Variants in MTX2 observed in about 807,000 individuals in gnomAD.
The protein encoded by MTX2 is metaxin 2, also known as metaxin-2.
MTX2 carries 35 observed loss-of-function variants against 42.3 expected under a neutral mutation model. That is an observed-to-expected ratio of 0.83 (90% CI 0.63 to 1.10). MTX2 has a LOEUF of 1.10. MTX2 is among the 50% of genes least tolerant of loss of function. MTX2 has a pLI of 0.00. For missense variants in MTX2, 307 were observed against 304.1 expected, an observed-to-expected ratio of 1.01 and a Z score of -0.07; for synonymous variants, 119 against 100.9, an observed-to-expected ratio of 1.18 and a Z score of -1.08.
intron 1 of MTX2, among the ~76,000 whole-genome samples, chr2:176,275,997 A>G (rs149307514): frequency 1.3e-3 from 193 of 152,372 alleles, no homozygotes; most frequent in African/African-American, 4.4e-3. Flanking sequence ...TTATTCAGCT[A>G]CTTCCTAGCT....
intron 1 of MTX2, among the ~76,000 whole-genome samples, chr2:176,284,441 C>T (rs764507210): frequency 6.6e-6 from 1 of 152,244 alleles, no homozygotes. Flanking sequence ...GTCAGGTTTA[C>T]GAAATTGGTC....
At position 176,318,718 on chromosome 2, in the gene MTX2, C is replaced by G. The variant is rs1684504188; in HGVS notation, c.136-4674C>G. ...TTTTAAAAATAATGTTTGCTATAAT[C>G]ACTTTCAGATGATGTCAGCCTCTCT... On this transcript the variant is annotated intron_variant, in intron 3 of 9. Coordinates refer to ENST00000249442, the MANE Select transcript of MTX2 (RefSeq NM_006554.5). 2.0e-5 allele frequency among the ~76,000 whole-genome samples: 3 copies of G among 152,216 alleles called. No individual in the cohort carries two copies. In the South Asian group the frequency reaches 6.2e-4, roughly 32 times the overall value.
In MTX2 at chr2:176,323,468, AGT is replaced by A. The variant is rs752420690; in HGVS notation, c.208+9_208+10del. 1 of 1,607,872 alleles carries A rather than the reference AGT, an allele frequency of 6.2e-7. No homozygotes were observed. Among genetic ancestry groups the A allele is most frequent in the South Asian group, 1.1e-5 (1 of 90,612 alleles). ...GCAGAATATATGTCTCCATCTGGTA[AGT>A]GTGTTTTTTTTTCTTCTCTGTTAAT... On this transcript the variant is annotated splice_donor_5th_base_variant and intron_variant, in intron 4 of 9. Coordinates refer to ENST00000249442, the MANE Select transcript of MTX2 (RefSeq NM_006554.5).
intron 1 of MTX2, among the ~76,000 whole-genome samples, chr2:176,276,907 G>C (rs1454968990): frequency 6.6e-6 from 1 of 151,874 alleles, no homozygotes; most frequent in African/African-American, 2.4e-5. Flanking sequence ...TATCTGTTCT[G>C]TTCTTTATTT....
In MTX2 at chr2:176,269,529, C is replaced by A; in HGVS notation, c.-101C>A. On this transcript the variant is annotated 5_prime_UTR_variant, in exon 1 of 10. Coordinates refer to ENST00000249442, the MANE Select transcript of MTX2 (RefSeq NM_006554.5). ...TGGGCTTTGCGAGTCTGAACGTTGG[C>A]GGGGCTAGGCTCGTTAACTGCCGAG... 1.5e-6 allele frequency: 2 copies of A among 1,307,966 alleles called. No homozygotes were observed. Among genetic ancestry groups the A allele is most frequent in the Non-Finnish European group, 2.0e-6 (2 of 975,876 alleles). 81.0% of individuals were successfully genotyped at this position (1,307,966 alleles called of 1,614,324 possible).
chr2:176,305,332 A>G (rs1438992304), intron 3 of MTX2, among the ~76,000 whole-genome samples: 2 of 152,086 alleles, frequency 1.3e-5, no homozygotes, highest in Admixed American at 1.3e-4. Context: ...ATTTTAAAGC[A>G]TTCATTATAG....
rs1352597032 is a variant in MTX2, at chr2:176,329,527, A to G, written c.543+101A>G. ...TTAAAAAAATATATATAAGATTTGCAAGAAAACCATTTCCTGTGATTTTCA... is the reference window on the plus strand; with the variant it reads ...TTAAAAAAATATATATAAGATTTGCGAGAAAACCATTTCCTGTGATTTTCA... On this transcript the variant is annotated intron_variant, in intron 8 of 9. Transcript: ENST00000249442. 5 of 1,170,460 alleles carry G rather than the reference A, an allele frequency of 4.3e-6. No homozygotes were observed. In the African/African-American group the frequency reaches 6.4e-5, roughly 15 times the overall value. 72.5% of individuals were successfully genotyped at this position (1,170,460 alleles called of 1,614,324 possible).
intron 3 of MTX2, among the ~76,000 whole-genome samples, chr2:176,308,608 G>A (rs2105424785): frequency 6.6e-6 from 1 of 152,198 alleles, no homozygotes; most frequent in South Asian, 2.1e-4. Flanking sequence ...CTTCTTCCTG[G>A]TTTAGTCTTG....
At chr2:176,337,395 C>G in intron 9 of MTX2, 98 bp from the exon 10 acceptor site, 1 of 1,048,706 alleles carries the variant, frequency 9.5e-7, no homozygotes, top group Non-Finnish European at 1.4e-6. Context: ...TTAGTTGAAC[C>G]TACGAGTATG....
intron 3 of MTX2, among the ~76,000 whole-genome samples, chr2:176,321,390 C>T (rs577790691): frequency 6.6e-6 from 1 of 152,008 alleles, no homozygotes; most frequent in Non-Finnish European, 1.5e-5. Context: ...TCTGGTGGGG[C>T]AGGATGGTGT....
intron 1 of MTX2, among the ~76,000 whole-genome samples, chr2:176,285,418 C>CTTTTT (rs61139522): frequency 2.3e-5 from 3 of 130,762 alleles, no homozygotes; most frequent in East Asian, 2.2e-4. Context: ...TTGCCACAAT[C>CTTTTT]TTTTTTTTTT....
At chr2:176,335,827 GCTCCACAGATA>G in intron 9 of MTX2, among the ~76,000 whole-genome samples, 1 of 152,042 alleles carries the variant, frequency 6.6e-6, no homozygotes, top group South Asian at 2.1e-4. Flanking sequence ...TCCACATCCT[GCTCCACAGATA>G]CTCCACATTG....
intron 1 of MTX2, among the ~76,000 whole-genome samples, chr2:176,277,768 A>G (rs746502236): frequency 6.6e-6 from 1 of 152,120 alleles, no homozygotes; most frequent in East Asian, 1.9e-4. Context: ...AGGATTTTCC[A>G]GTATTGAGGA....
intron 1 of MTX2, among the ~76,000 whole-genome samples, chr2:176,287,932 A>G (rs17336785): frequency 0.13 from 19,483 of 150,884 alleles, 1,656 homozygotes; most frequent in South Asian, 0.29. Context: ...GGAAATGGCA[A>G]TATGACGCTG....
At chr2:176,279,640 G>T (rs1231063022) in intron 1 of MTX2, among the ~76,000 whole-genome samples, 1 of 151,924 alleles carries the variant, frequency 6.6e-6, no homozygotes, top group Non-Finnish European at 1.5e-5. Context: ...ACTGTTCATC[G>T]ATTTAAGATT....
chr2:176,275,298 G>A (rs905922868), intron 1 of MTX2, among the ~76,000 whole-genome samples: 1 of 151,864 alleles, frequency 6.6e-6, no homozygotes, highest in Non-Finnish European at 1.5e-5. Context: ...GAGGGCAGTG[G>A]CACAACCTTG....
chr2:176,329,029 G>T, intron 7 of MTX2, 117 bp downstream of exon 7: 1 of 978,926 alleles, frequency 1.0e-6, no homozygotes, highest in South Asian at 1.7e-5. Flanking sequence ...TAGTGATATA[G>T]TTTTTCACTT....
intron 3 of MTX2, among the ~76,000 whole-genome samples, chr2:176,311,518 G>T (rs546491685): frequency 6.6e-6 from 1 of 152,092 alleles, no homozygotes; most frequent in Non-Finnish European, 1.5e-5. Flanking sequence ...GAGGTGAAGC[G>T]TAGAGGCAGT....
At chr2:176,286,550 CT>C (rs553282400) in intron 1 of MTX2, among the ~76,000 whole-genome samples, 406 of 142,036 alleles carry the variant, frequency 2.9e-3, no homozygotes, top group Middle Eastern at 7.3e-3. Context: ...CACTCTGAGT[CT>C]TTTTTTTTTT....
Sources: gnomAD v4.1 joint callset for allele counts (sites outside exome capture counted in the v4.1 genomes callset) on GRCh38, gnomAD v4.1.1 for gene constraint, MANE v1.5 for transcripts, NCBI Gene and HGNC (gene_info 2026-07-23, HGNC 2026-07-21) for gene names.